The following MEI4 variants were observed in gnomAD, a reference collection of about 807,000 sequenced individuals.
The protein encoded by MEI4 is meiotic double-stranded break formation protein 4.
A neutral mutation model predicts 31.4 loss-of-function variants in MEI4; 27 were observed. The ratio of observed to expected loss-of-function variants is 0.86; its 90% CI spans 0.63 to 1.19. The LOEUF is 1.19. Among genes scored for constraint, MEI4 ranks in the 50% most tolerant of loss-of-function variants. The probability of loss-of-function intolerance (pLI) is 0.00; values close to 1 mark genes in which losing one functional copy is unlikely to be tolerated. For synonymous variants in MEI4, 122 were observed against 145.4 expected (o/e 0.84, Z 1.16); for missense variants, 329 against 398.9 (o/e 0.82, Z 1.49).
chr6:77,654,881 CTTTTT>C (rs770665978), intron 1 of MEI4, among the ~76,000 whole-genome samples: 10 of 151,904 alleles, frequency 6.6e-5, no homozygotes, highest in East Asian at 5.8e-4. Flanking sequence ...AGCTCTTTTT[CTTTTT>C]ATTTTTTTGT....
intron 4 of MEI4, among the ~76,000 whole-genome samples, chr6:77,899,349 T>C (rs1766144373): frequency 6.6e-6 from 1 of 152,046 alleles, no homozygotes; most frequent in East Asian, 1.9e-4. Context: ...ATCTGGTGAT[T>C]TTTTTACCAG....
intron 3 of MEI4, among the ~76,000 whole-genome samples, chr6:77,819,477 G>T (rs1257249137): frequency 6.6e-6 from 1 of 151,958 alleles, no homozygotes; most frequent in African/African-American, 2.4e-5. Context: ...TATTTTAGGG[G>T]AATATTCCTA....
At chr6:77,759,198 C>T (rs980895693) in intron 2 of MEI4, among the ~76,000 whole-genome samples, 1 of 152,088 alleles carries the variant, frequency 6.6e-6, no homozygotes, top group African/African-American at 2.4e-5. Flanking sequence ...TTTTATGACA[C>T]AATCATTTTT....
chr6:77,715,587 C>T (rs1377701663), intron 2 of MEI4, among the ~76,000 whole-genome samples: 2 of 152,228 alleles, frequency 1.3e-5, no homozygotes, highest in South Asian at 2.1e-4. Context: ...TTTTGTCTTC[C>T]TATGCTAGAT....
Position 77,761,077 on chromosome 6 carries a change from A to C in MEI4, c.233-53A>C, listed in dbSNP as rs1021426698. 3 of 1,175,136 alleles carry C rather than the reference A, an allele frequency of 2.6e-6. No individual in the cohort carries two copies. In the African/African-American group the frequency reaches 4.7e-5, roughly 19 times the overall value. The allele number at this position is 1,175,136 out of a possible 1,614,324, so 72.8% of individuals were successfully genotyped here. ...GATAAGTATCAATGGCTAGTTTTAC[A>C]TGAAGAAATTTCAGCTGCATGAAGA... On this transcript the variant is annotated intron_variant, in intron 2 of 4. Transcript: ENST00000684080.
At chr6:77,685,032 A>G (rs1437948562) in intron 1 of MEI4, among the ~76,000 whole-genome samples, 1 of 152,106 alleles carries the variant, frequency 6.6e-6, no homozygotes, top group East Asian at 1.9e-4. Context: ...TGTCTTTTGG[A>G]TATAAGCCCT....
chr6:77,715,596 A>G (rs1258002216), intron 2 of MEI4, among the ~76,000 whole-genome samples: 2 of 152,192 alleles, frequency 1.3e-5, no homozygotes, highest in Non-Finnish European at 2.9e-5. Context: ...CCTATGCTAG[A>G]TAATAGACTC....
chr6:77,657,243 A>C lies in MEI4; in HGVS notation c.-15+4151A>C, dbSNP rs142857232. ...CATTACTCATTGATTAAAAAGCTGAAGTTCAGTAAAGAAAGAAACAACTTC... is the reference window on the plus strand; with the variant it reads ...CATTACTCATTGATTAAAAAGCTGACGTTCAGTAAAGAAAGAAACAACTTC... On this transcript the variant is annotated intron_variant, in intron 1 of 4. Transcript: ENST00000684080. 2.8e-3 allele frequency among the ~76,000 whole-genome samples: 431 copies of C among 152,338 alleles called. 1 individual carries two copies. Among genetic ancestry groups the C allele is most frequent in the African/African-American group, 1.0e-2 (415 of 41,564 alleles).
chr6:77,671,054 GTTTTTT>G (rs35429284), intron 1 of MEI4, among the ~76,000 whole-genome samples: 1 of 110,448 alleles, frequency 9.1e-6, no homozygotes, highest in Admixed American at 9.4e-5. Context: ...GTGAATTGTT[GTTTTTT>G]TTTTTTTTTT....
intron 4 of MEI4, among the ~76,000 whole-genome samples, chr6:77,901,251 T>A (rs1415047430): frequency 6.6e-6 from 1 of 152,028 alleles, no homozygotes; most frequent in African/African-American, 2.4e-5. Context: ...AATTACTGGA[T>A]CATAGGCTAG....
chr6:77,746,124 G>C (rs1232307057), intron 2 of MEI4, among the ~76,000 whole-genome samples: 1 of 152,100 alleles, frequency 6.6e-6, no homozygotes, highest in Non-Finnish European at 1.5e-5. Flanking sequence ...TAAAATCAGA[G>C]CAGAACTGAA....
rs78198891 is a variant in MEI4 at position 77,901,193 on chromosome 6, C to G, written c.901-21896C>G. The stretch of plus-strand genomic sequence containing the variant: ...AATGAATGTAGTAGTACAGATATTT[C>G]TTTGACATAATGATTTTTATTTTCT... On this transcript the variant is annotated intron_variant, in intron 4 of 4. Transcript: ENST00000684080. 9.4e-3 allele frequency among the ~76,000 whole-genome samples: 1,431 copies of G among 152,052 alleles called. 17 individuals are homozygous for G. The highest frequency in any genetic ancestry group is 0.032 in the African/African-American group (1,330 of 41,516).
At chr6:77,676,266 G>T (rs967149392) in intron 1 of MEI4, among the ~76,000 whole-genome samples, 1 of 151,856 alleles carries the variant, frequency 6.6e-6, no homozygotes, top group African/African-American at 2.4e-5. Flanking sequence ...TTCATAAATT[G>T]TAGTTGTACT....
chr6:77,738,144 G>A (rs774437036), intron 2 of MEI4, among the ~76,000 whole-genome samples: 9 of 152,284 alleles, frequency 5.9e-5, no homozygotes, highest in African/African-American at 1.7e-4. Context: ...GGATGGTTTC[G>A]GAGAGAAAGT....
intron 1 of MEI4, among the ~76,000 whole-genome samples, chr6:77,684,067 C>T (rs1302746741): frequency 6.6e-6 from 1 of 152,132 alleles, no homozygotes; most frequent in Non-Finnish European, 1.5e-5. Context: ...GCCATTTTAA[C>T]TTGGGTAAGA....
chr6:77,834,510 G>T (rs1770165282), intron 4 of MEI4, among the ~76,000 whole-genome samples: 2 of 150,830 alleles, frequency 1.3e-5, no homozygotes, highest in South Asian at 2.1e-4. Flanking sequence ...TTTTGTGGGG[G>T]CACTAGCTGC....
intron 1 of MEI4, among the ~76,000 whole-genome samples, chr6:77,680,288 TA>T (rs534914038): frequency 3.4e-5 from 5 of 147,276 alleles, no homozygotes; most frequent in South Asian, 2.1e-4. Flanking sequence ...AAATAAAAAA[TA>T]AAAAAAAAAT....
At chr6:77,699,025 C>T (rs903202641) in intron 2 of MEI4, among the ~76,000 whole-genome samples, 10 of 151,972 alleles carry the variant, frequency 6.6e-5, no homozygotes, top group African/African-American at 2.4e-4. Flanking sequence ...ATTTCGTCTT[C>T]CATCACTGAT....
intron 3 of MEI4, among the ~76,000 whole-genome samples, chr6:77,799,693 G>C (rs760244098): frequency 7.2e-5 from 11 of 152,138 alleles, no homozygotes; most frequent in Non-Finnish European, 1.5e-4. Flanking sequence ...AAGGGATCCA[G>C]TTTCAGCTAT....
Sources: allele counts gnomAD v4.1 joint callset (sites outside exome capture counted in the v4.1 genomes callset), GRCh38; gene constraint gnomAD v4.1.1; transcripts MANE v1.5; gene names NCBI Gene and HGNC (gene_info 2026-07-23, HGNC 2026-07-21).